The following PKHD1L1 variants were observed in gnomAD, a reference collection of about 807,000 sequenced individuals.
The protein encoded by PKHD1L1 is PKHD1 like 1, also known as fibrocystin-L.
In PKHD1L1, 434 loss-of-function variants were observed where a neutral mutation model predicts 462.9. The observed-to-expected ratio is 0.94, with a 90% CI of 0.87 to 1.02. PKHD1L1 has a LOEUF of 1.02. Ranked by LOEUF, PKHD1L1 falls within the 50% of genes least tolerant of loss-of-function variation. The pLI is 0.00. For synonymous variants in PKHD1L1, 1,781 were observed against 1,750.0 expected (o/e 1.02, Z -0.44); for missense variants, 5,202 against 5,096.1 (o/e 1.02, Z -0.63).
At chr8:109,374,463 G>A (rs1811697410) in intron 2 of PKHD1L1, among the ~76,000 whole-genome samples, 1 of 152,170 alleles carries the variant, frequency 6.6e-6, no homozygotes, top group Non-Finnish European at 1.5e-5. Flanking sequence ...CAATTTGCCA[G>A]TCTGTGTCTT....
chr8:109,521,781 C>T (rs960710965), intron 73 of PKHD1L1, among the ~76,000 whole-genome samples: 3 of 152,126 alleles, frequency 2.0e-5, no homozygotes, highest in African/African-American at 4.8e-5. Flanking sequence ...ATAATATGAT[C>T]GATTCTAACA....
intron 7 of PKHD1L1, 119 bp downstream of exon 7, chr8:109,388,669 A>G: frequency 1.4e-6 from 1 of 722,492 alleles, no homozygotes. Context: ...AGTATAAATT[A>G]TAATATTCCA....
chr8:109,390,606 T>C, intron 9 of PKHD1L1, 112 bp downstream of exon 9: 1 of 512,788 alleles, frequency 2.0e-6, no homozygotes, highest in Non-Finnish European at 3.2e-6. Context: ...TAACTACTTT[T>C]TTTCCCCAAT....
intron 30 of PKHD1L1, 89 bp from the exon 31 acceptor site, chr8:109,438,235 G>T: frequency 1.0e-6 from 1 of 991,848 alleles, no homozygotes; most frequent in Non-Finnish European, 1.4e-6. Flanking sequence ...ATCTTCAGAA[G>T]TTTATTCTGA....
chr8:109,467,485 A>G (rs1817511052), intron 50 of PKHD1L1, among the ~76,000 whole-genome samples: 1 of 149,570 alleles, frequency 6.7e-6, no homozygotes, highest in Admixed American at 6.7e-5. Context: ...TAGAGTATAG[A>G]GTATCCACAT....
intron 39 of PKHD1L1, among the ~76,000 whole-genome samples, chr8:109,449,095 A>G (rs1326076081): frequency 6.6e-6 from 1 of 152,144 alleles, no homozygotes; most frequent in Non-Finnish European, 1.5e-5. Flanking sequence ...ATAAAATTTT[A>G]GTTCCTCGAA....
intron 45 of PKHD1L1, among the ~76,000 whole-genome samples, chr8:109,455,640 T>C (rs1350227533): frequency 2.6e-5 from 4 of 152,200 alleles, no homozygotes; most frequent in Non-Finnish European, 4.4e-5. Flanking sequence ...GTTGTGGATT[T>C]CTATAACTAT....
rs773901166 is a variant in PKHD1L1, at chr8:109,405,059, C to T, written c.1598C>T (p.Thr533Ile). Reference sequence around the variant, plus strand: ...AATGAGGTTCAGAAGATCAAGGTAACCAGCCCATGTGTGGAAGCTAATTCA... The same window carrying T: ...AATGAGGTTCAGAAGATCAAGGTAATCAGCCCATGTGTGGAAGCTAATTCA... ...AINEVQKIKVTSPCVEANSCS... is the reference protein window; with the variant it reads ...AINEVQKIKVISPCVEANSCS... Residue 533 changes from threonine (T) to isoleucine (I), a missense_variant, in exon 16 of 78, where the codon ACC (threonine) becomes ATC (isoleucine). Around this residue, in one of 3 missense-constraint regions of PKHD1L1, gnomAD observed 4,497 missense variants for 4,336.8 expected, o/e 1.04. Coordinates refer to ENST00000378402, the MANE Select transcript of PKHD1L1 (RefSeq NM_177531.6). The T allele has an allele frequency of 6.5e-7, 1 of 1,532,310 alleles. No individual in the cohort carries two copies. Among genetic ancestry groups the T allele is most frequent in the East Asian group, 2.4e-5 (1 of 40,870 alleles). The allele number at this position is 1,532,310 out of a possible 1,614,324, so 94.9% of individuals were successfully genotyped here.
At chr8:109,459,225 A>G (rs1341226907) in intron 46 of PKHD1L1, among the ~76,000 whole-genome samples, 1 of 152,104 alleles carries the variant, frequency 6.6e-6, no homozygotes, top group Non-Finnish European at 1.5e-5. Flanking sequence ...CAATTGTAAC[A>G]ACCAAAAGTG....
chr8:109,410,740 T>TTTTTG (rs1813810982), intron 19 of PKHD1L1, among the ~76,000 whole-genome samples: 3 of 120,144 alleles, frequency 2.5e-5, no homozygotes, highest in Non-Finnish European at 5.1e-5. Context: ...TTTTTTTTTT[T>TTTTTG]TTTTTTTGAG....
chr8:109,515,128 T>C (rs759097403), intron 71 of PKHD1L1, 42 bp from the exon 72 acceptor site: 2 of 1,391,664 alleles, frequency 1.4e-6, no homozygotes, highest in Non-Finnish European at 1.9e-6. Context: ...ATTACAAATA[T>C]TCTATTTTGT....
At chr8:109,423,257 C>A (rs1175809589) in intron 23 of PKHD1L1, among the ~76,000 whole-genome samples, 3 of 151,826 alleles carry the variant, frequency 2.0e-5, no homozygotes, top group Non-Finnish European at 2.9e-5. Flanking sequence ...AAAAATCCTA[C>A]AGATTTACAT....
Position 109,452,846 on chromosome 8 carries a change from C to A in PKHD1L1, c.6636C>A (p.Thr2212=). ...AGACCATTCTGCTGGATCAAAGCAC[C>A]CCTATTTTGAAAATGTTGCTTATTC... The part of the protein sequence containing the change: ...KGQTILLDQS[T]PILKMLLIQG... The change falls in exon 43 of 78, where the codon ACC becomes ACA. Residue 2212 remains threonine, a synonymous_variant. Transcript: ENST00000378402. 6.7e-7 allele frequency: 1 copy of A among 1,500,640 alleles called. No individual in the cohort carries two copies. Among genetic ancestry groups the A allele is most frequent in the South Asian group, 1.4e-5 (1 of 70,814 alleles). 93.0% of individuals were successfully genotyped at this position (1,500,640 alleles called of 1,614,324 possible). A position where few individuals can be genotyped will look rare whatever the true frequency, so the allele number is the denominator to read the frequency against.
Position 109,464,879 on chromosome 8 carries a change from A to T in PKHD1L1, c.8047A>T (p.Ile2683Phe). 1 of 1,613,832 alleles carries T rather than the reference A, an allele frequency of 6.2e-7. No homozygotes were observed. Reference sequence around the variant, plus strand: ...GATGGTGAATAACTATGAGGCTGGAATTGAGACTAAGAGGATCCTGGCTCC... The same window carrying T: ...GATGGTGAATAACTATGAGGCTGGATTTGAGACTAAGAGGATCCTGGCTCC... ...FVMVNNYEAG[I>F]ETKRILAPYV... Residue 2683 changes from isoleucine (I) to phenylalanine (F), a missense_variant, in exon 49 of 78, where the codon ATT (isoleucine) becomes TTT (phenylalanine). Ile to Phe is a conservative substitution (Grantham distance 21, BLOSUM62 0). Around this residue, in one of 3 missense-constraint regions of PKHD1L1, gnomAD observed 4,497 missense variants for 4,336.8 expected, o/e 1.04. Coordinates refer to ENST00000378402, the MANE Select transcript of PKHD1L1 (RefSeq NM_177531.6).
At chr8:109,515,471 G>A (rs1820221160) in intron 72 of PKHD1L1, among the ~76,000 whole-genome samples, 166 bp downstream of exon 72, 1 of 152,142 alleles carries the variant, frequency 6.6e-6, no homozygotes, top group African/African-American at 2.4e-5. Context: ...TTTGTAACAT[G>A]AGTGTCTTGA....
At chr8:109,478,768 G>A (rs9297428) in intron 53 of PKHD1L1, among the ~76,000 whole-genome samples, 3,046 of 152,126 alleles carry the variant, frequency 0.02, 89 homozygotes, top group African/African-American at 0.062. Flanking sequence ...ATGTGATAAA[G>A]GTAAACTACG....
chr8:109,386,004 C>T (rs1812425235), intron 6 of PKHD1L1, among the ~76,000 whole-genome samples: 1 of 152,110 alleles, frequency 6.6e-6, no homozygotes, highest in Admixed American at 6.6e-5. Context: ...GCCTAGAGAT[C>T]ACAAAGCTTA....
At chr8:109,472,904 A>C (rs1817795756) in intron 50 of PKHD1L1, among the ~76,000 whole-genome samples, 1 of 152,100 alleles carries the variant, frequency 6.6e-6, no homozygotes, top group African/African-American at 2.4e-5. Flanking sequence ...GTTTGCTATA[A>C]TTTTACACAC....
At position 109,459,782 on chromosome 8, in the gene PKHD1L1, G is replaced by A; in HGVS notation, c.7192G>A (p.Asp2398Asn). ...AAGAAATATTTTAATAAGAGGATCT[G>A]ATAATGTTGAGTGGAATAACAAAAT... is the stretch of plus-strand genomic sequence containing the variant. ...LTRNILIRGSDNVEWNNKIPA... is the reference protein window; with the variant it reads ...LTRNILIRGSNNVEWNNKIPA... Residue 2398 changes from aspartate (D) to asparagine (N), a missense_variant, in exon 47 of 78, where the codon GAT becomes AAT. Asp to Asn is a conservative substitution (Grantham distance 23). This residue lies in a region of PKHD1L1 where 4,497 missense variants were observed against 4,336.8 expected (regional missense o/e 1.04). Transcript: ENST00000378402. The A allele has an allele frequency of 6.2e-7, 1 of 1,611,422 alleles. No homozygotes were observed.
Sources: gnomAD v4.1 joint callset for allele counts (sites outside exome capture counted in the v4.1 genomes callset) on GRCh38, gnomAD v4.1.1 for gene constraint, gnomAD v4.1.1 regional missense constraint, MANE v1.5 for transcripts, NCBI Gene and HGNC (gene_info 2026-07-23, HGNC 2026-07-21) for gene names.